The following KIRREL3 variants were observed in gnomAD, a reference collection of about 807,000 sequenced individuals.
KIRREL3 encodes the protein kirre like nephrin family adhesion molecule 3.
Under a neutral mutation model 89.7 loss-of-function variants are expected in KIRREL3, and 36 were observed. That is an observed-to-expected ratio of 0.40 (90% confidence interval 0.31 to 0.53). The LOEUF is 0.53. KIRREL3 is among the 20% of genes least tolerant of loss of function. The probability of loss-of-function intolerance (pLI) is 0.49; values close to 1 mark genes in which losing one functional copy is unlikely to be tolerated. For synonymous variants in KIRREL3, 445 were observed against 441.4 expected (o/e 1.01, Z -0.10); for missense variants, 864 against 1,056.6 (o/e 0.82, Z 2.53).
At chr11:126,540,280 A>G (rs930573744) in intron 2 of KIRREL3, among the ~76,000 whole-genome samples, 2 of 152,194 alleles carry the variant, frequency 1.3e-5, no homozygotes, top group Non-Finnish European at 2.9e-5. Context: ...CAGAAATTGC[A>G]CTAGAATTTT....
intron 1 of KIRREL3, among the ~76,000 whole-genome samples, chr11:126,829,044 A>G (rs983282165): frequency 1.3e-5 from 2 of 152,198 alleles, no homozygotes; most frequent in African/African-American, 4.8e-5. Flanking sequence ...AGGAGGCTGG[A>G]GAGCTTGTCT....
chr11:126,914,578 C>T (rs1946963208), intron 1 of KIRREL3, among the ~76,000 whole-genome samples: 2 of 152,218 alleles, frequency 1.3e-5, no homozygotes, highest in Admixed American at 1.3e-4. Flanking sequence ...TAACAGCAGA[C>T]AGGTGTCACA....
At chr11:126,451,433 CAT>C (rs1956153297) in intron 7 of KIRREL3, among the ~76,000 whole-genome samples, 4 of 138,466 alleles carry the variant, frequency 2.9e-5, no homozygotes, top group African/African-American at 8.3e-5. Context: ...TGAGCGTGTG[CAT>C]GTGTGTGTCC....
intron 1 of KIRREL3, among the ~76,000 whole-genome samples, chr11:126,618,548 C>T (rs930408452): frequency 2.6e-5 from 4 of 152,174 alleles, no homozygotes; most frequent in Admixed American, 6.5e-5. Context: ...GATTCTCCTG[C>T]GTCAGCCTCC....
Position 126,905,358 on chromosome 11 carries a change from C to T in KIRREL3, c.55+95097G>A, listed in dbSNP as rs1416311075. Among the ~76,000 whole-genome samples, 1 of 152,064 alleles carries T rather than the reference C, an allele frequency of 6.6e-6. No individual in the cohort carries two copies. Among genetic ancestry groups the T allele is most frequent in the East Asian group, 1.9e-4 (1 of 5,192 alleles). ...ATGGGAAACTTCTAACCTTCAACTG[C>T]CTTCTTTTCTCATTTACACAACGCT... On this transcript the variant is annotated intron_variant, in intron 1 of 16. Coordinates refer to ENST00000525144, the MANE Select transcript of KIRREL3 (RefSeq NM_032531.4). The surrounding 1 kb of genome is among the most constrained non-coding windows in gnomAD (Gnocchi z 5.0).
intron 1 of KIRREL3, among the ~76,000 whole-genome samples, chr11:126,663,736 A>G (rs1299765096): frequency 2.6e-5 from 4 of 152,202 alleles, no homozygotes; most frequent in African/African-American, 7.2e-5. Flanking sequence ...CTCTGAACCC[A>G]TTGCATCCTG....
rs889778400 is a variant in KIRREL3, at chr11:126,522,039, C to T, written c.284-575G>A. The stretch of plus-strand genomic sequence containing the variant: ...GATTATAGGCATGAGCCACCATGCC[C>T]GGCCATGTAAGGGTCTTGTTGGTTT... On this transcript the variant is annotated intron_variant, in intron 3 of 16. Coordinates refer to ENST00000525144, the MANE Select transcript of KIRREL3 (RefSeq NM_032531.4). This position sits in a 1 kb window ranked among gnomAD's most constrained non-coding sequence, Gnocchi z 6.0. Among the ~76,000 whole-genome samples the T allele has an allele frequency of 2.6e-5, 4 of 152,200 alleles. No homozygotes were observed. Among genetic ancestry groups the T allele is most frequent in the East Asian group, 1.9e-4 (1 of 5,182 alleles).
chr11:126,754,898 G>A lies in KIRREL3; in HGVS notation c.56-191986C>T, dbSNP rs538261118. ...ACTGAGCAGCTGCCTGAAAGTTGAT[G>A]CAGTGGGAATAATTTATTTCTTCTT... On this transcript the variant is annotated intron_variant, in intron 1 of 16. Coordinates refer to ENST00000525144, the MANE Select transcript of KIRREL3 (RefSeq NM_032531.4). This position sits in a 1 kb window ranked among gnomAD's most constrained non-coding sequence, Gnocchi z 5.1. Among the ~76,000 whole-genome samples the A allele has an allele frequency of 6.6e-6, 1 of 152,306 alleles. No homozygotes were observed. The highest frequency in any genetic ancestry group is 2.1e-4 in the South Asian group (1 of 4,832).
chr11:126,901,028 AC>A (rs1346544459), intron 1 of KIRREL3, among the ~76,000 whole-genome samples: 2 of 152,126 alleles, frequency 1.3e-5, no homozygotes, highest in Non-Finnish European at 2.9e-5. Context: ...AGCCTGACAA[AC>A]ATGGTGAAAC....
rs572078017 is a variant in KIRREL3, at chr11:126,763,974, C to T, written c.56-201062G>A. Among the ~76,000 whole-genome samples, 1 of 152,146 alleles carries T rather than the reference C, an allele frequency of 6.6e-6. No individual in the cohort carries two copies. The highest frequency in any genetic ancestry group is 1.5e-5 in the Non-Finnish European group (1 of 68,016). On this transcript the variant is annotated intron_variant, in intron 1 of 16. Coordinates refer to ENST00000525144, the MANE Select transcript of KIRREL3 (RefSeq NM_032531.4). This position sits in a 1 kb window ranked among gnomAD's most constrained non-coding sequence, Gnocchi z 4.7. ...CTTTTTTCCCCCACAACTCTGCATT[C>T]CCCTCCCCATCCACAGCATAGTTCT...
rs1235212908 is a variant in KIRREL3, at chr11:126,456,394, G to C, written c.803C>G (p.Thr268Ser). 6.3e-7 allele frequency: 1 copy of C among 1,595,054 alleles called. No homozygotes were observed. Among genetic ancestry groups the C allele is most frequent in the South Asian group, 1.1e-5 (1 of 87,112 alleles). ...PQPVLEDNVV[T>S]FHCSAKANPA... is the part of the protein sequence containing the mutation. ...GTTGGCCTTTGCAGAGCAGTGGAAAGTGACGACGTTGTCCTCCAGCACTGG... is the reference window on the plus strand; with the variant it reads ...GTTGGCCTTTGCAGAGCAGTGGAAACTGACGACGTTGTCCTCCAGCACTGG... The change falls in exon 7 of 17, where the codon ACT becomes AGT. Residue 268 changes from threonine (T) to serine (S), a missense_variant. Coordinates refer to ENST00000525144, the MANE Select transcript of KIRREL3 (RefSeq NM_032531.4).
intron 1 of KIRREL3, among the ~76,000 whole-genome samples, chr11:126,819,103 C>A (rs1951681987): frequency 1.3e-5 from 1 of 77,926 alleles, no homozygotes. Flanking sequence ...ATCTGGACCC[C>A]AACCAGCCCA....
At chr11:126,482,843 A>G (rs1176495397) in intron 4 of KIRREL3, among the ~76,000 whole-genome samples, 1 of 152,236 alleles carries the variant, frequency 6.6e-6, no homozygotes, top group Non-Finnish European at 1.5e-5. Context: ...TGGGCTGCAA[A>G]GGCACATGTG....
rs1296629215 is a variant in KIRREL3, at chr11:126,999,773, C to T, written c.55+682G>A. ...CCGGAGAGTCCACCTGCTTCTCTGC[C>T]CCTGCTAGGCTGCAGAAAGGAAACC... On this transcript the variant is annotated intron_variant, in intron 1 of 16. Transcript: ENST00000525144. This position sits in a 1 kb window ranked among gnomAD's most constrained non-coding sequence, Gnocchi z 5.7. Among the ~76,000 whole-genome samples the T allele has an allele frequency of 6.6e-6, 1 of 152,178 alleles. No individual in the cohort carries two copies. The highest frequency in any genetic ancestry group is 2.4e-5 in the African/African-American group (1 of 41,436).
intron 1 of KIRREL3, among the ~76,000 whole-genome samples, chr11:126,663,653 G>A (rs529852556): frequency 6.6e-6 from 1 of 152,290 alleles, no homozygotes; most frequent in Non-Finnish European, 1.5e-5. Flanking sequence ...AGGTTCCCAG[G>A]GAAGTGGCAC....
chr11:126,542,341 T>C (rs113082707), intron 2 of KIRREL3, among the ~76,000 whole-genome samples: 2,260 of 152,280 alleles, frequency 0.015, 59 homozygotes, highest in African/African-American at 0.052. Flanking sequence ...GGAGACCAAA[T>C]ACAATCAACT....
In KIRREL3 at chr11:126,876,305, T is replaced by TG. The variant is rs1240435554; in HGVS notation, c.55+124149_55+124150insC. ...CTGCTGGAGGCAACGATCTCTAGAC[T>TG]CAGTTTCTCAGCCTGAAGGCACGGA... On this transcript the variant is annotated intron_variant, in intron 1 of 16. Coordinates refer to ENST00000525144, the MANE Select transcript of KIRREL3 (RefSeq NM_032531.4). This position sits in a 1 kb window ranked among gnomAD's most constrained non-coding sequence, Gnocchi z 4.1. Among the ~76,000 whole-genome samples the TG allele has an allele frequency of 6.6e-6, 1 of 152,128 alleles. No homozygotes were observed. Among genetic ancestry groups the TG allele is most frequent in the African/African-American group, 2.4e-5 (1 of 41,408 alleles).
At position 126,943,170 on chromosome 11, in the gene KIRREL3, G is replaced by A. The variant is rs1408127433; in HGVS notation, c.55+57285C>T. Among the ~76,000 whole-genome samples the A allele has an allele frequency of 6.6e-6, 1 of 152,152 alleles. No homozygotes were observed. The highest frequency in any genetic ancestry group is 1.5e-5 in the Non-Finnish European group (1 of 68,034). On this transcript the variant is annotated intron_variant, in intron 1 of 16. Coordinates refer to ENST00000525144, the MANE Select transcript of KIRREL3 (RefSeq NM_032531.4). This position sits in a 1 kb window ranked among gnomAD's most constrained non-coding sequence, Gnocchi z 4.2. ...CTGGGTGCTGCTCCTGCTCCACTGG[G>A]GCCTTCTCTTTGGGGTCTCAGGATT... is the stretch of plus-strand genomic sequence containing the variant.
chr11:126,999,546 T>A lies in KIRREL3; in HGVS notation c.55+909A>T, dbSNP rs899218246. On this transcript the variant is annotated intron_variant, in intron 1 of 16. Coordinates refer to ENST00000525144, the MANE Select transcript of KIRREL3 (RefSeq NM_032531.4). The surrounding 1 kb of genome is among the most constrained non-coding windows in gnomAD (Gnocchi z 5.7). ...TGGCTGGCACAAATGCAGCCTCAGATGGCAGAGGTGCATTGGCATTCCAAA... is the reference window on the plus strand; with the variant it reads ...TGGCTGGCACAAATGCAGCCTCAGAAGGCAGAGGTGCATTGGCATTCCAAA... 4.6e-5 allele frequency among the ~76,000 whole-genome samples: 7 copies of A among 152,234 alleles called. No individual in the cohort carries two copies. The highest frequency in any genetic ancestry group is 1.7e-4 in the African/African-American group (7 of 41,474).
Sources: allele counts gnomAD v4.1 joint callset (sites outside exome capture counted in the v4.1 genomes callset), GRCh38; gene constraint gnomAD v4.1.1; non-coding constraint Gnocchi (gnomAD v3.1); transcripts MANE v1.5; gene names NCBI Gene and HGNC (gene_info 2026-07-23, HGNC 2026-07-21).